UROC1: variants seen among roughly 807,000 people sequenced by gnomAD.
UROC1 encodes urocanate hydratase.
Under a neutral mutation model 89.5 loss-of-function variants are expected in UROC1, and 79 were observed. The ratio of observed to expected loss-of-function variants is 0.88; its 90% CI spans 0.74 to 1.06. The LOEUF (loss-of-function observed/expected upper bound fraction) is 1.06. Ranked by LOEUF, UROC1 falls within the 50% of genes least tolerant of loss-of-function variation. UROC1 has a pLI of 0.00. For missense variants in UROC1, 885 were observed against 907.8 expected, an observed-to-expected ratio of 0.97 and a Z score of 0.32; for synonymous variants, 361 against 354.8, an observed-to-expected ratio of 1.02 and a Z score of -0.20.
rs562711549 is a variant in UROC1, at chr3:126,500,992, C to G, written c.966-118G>C. ...ACCCACAAATCCAGCAGGCACAGCC[C>G]GAGCCAGACCCTGCTTTCCCCCTGG... On this transcript the variant is annotated intron_variant, in intron 10 of 19. Coordinates refer to ENST00000290868, the MANE Select transcript of UROC1 (RefSeq NM_144639.3). 1.1e-4 allele frequency: 155 copies of G among 1,426,352 alleles called. 4 individuals are homozygous for G. In the South Asian group the frequency reaches 1.5e-3, roughly 14 times the overall value. The allele number at this position is 1,426,352 out of a possible 1,614,324, so 88.4% of individuals were successfully genotyped here.
At chr3:126,504,735 C>A (rs1313214787) in intron 8 of UROC1, among the ~76,000 whole-genome samples, 1 of 152,222 alleles carries the variant, frequency 6.6e-6, no homozygotes, top group African/African-American at 2.4e-5. Context: ...CAACTGAGTG[C>A]AAATCCCACT....
intron 3 of UROC1, 148 bp downstream of exon 3, chr3:126,509,437 G>C: frequency 2.6e-6 from 2 of 765,096 alleles, no homozygotes; most frequent in Admixed American, 4.2e-5. Flanking sequence ...GGGAAGCCGA[G>C]GGAAGGGCCA....
chr3:126,503,959 G>A, intron 9 of UROC1, 36 bp downstream of exon 9: 5 of 1,610,506 alleles, frequency 3.1e-6, no homozygotes, highest in Non-Finnish European at 4.2e-6. Flanking sequence ...CCACGTGTCA[G>A]GTGTCAGGTG....
intron 9 of UROC1, among the ~76,000 whole-genome samples, chr3:126,502,214 CTG>C (rs1223431872): frequency 2.1e-5 from 3 of 143,922 alleles, no homozygotes; most frequent in Non-Finnish European, 3.1e-5. Context: ...GTGTGTGTGT[CTG>C]TGTGTGTTTA....
intron 14 of UROC1, among the ~76,000 whole-genome samples, chr3:126,497,016 C>T (rs1406084964): frequency 6.6e-6 from 1 of 152,176 alleles, no homozygotes; most frequent in African/African-American, 2.4e-5. Flanking sequence ...TGTTCTCACA[C>T]CAGGGAAGCC....
At chr3:126,507,851 CGAGCACA>C in intron 5 of UROC1, 48 bp from the exon 6 acceptor site, 1 of 1,613,248 alleles carries the variant, frequency 6.2e-7, no homozygotes, top group Admixed American at 1.7e-5. Context: ...GCTTGGAGGG[CGAGCACA>C]GAGCCCTGGG....
At chr3:126,502,340 C>A (rs117396235) in intron 9 of UROC1, among the ~76,000 whole-genome samples, 1 of 143,948 alleles carries the variant, frequency 6.9e-6, no homozygotes, top group African/African-American at 2.6e-5. Context: ...GTGTTGTGTG[C>A]GTTTGTGTGT....
intron 4 of UROC1, 151 bp downstream of exon 4, chr3:126,508,265 A>G (rs1161122327): frequency 7.2e-7 from 1 of 1,392,586 alleles, no homozygotes; most frequent in African/African-American, 1.4e-5. Context: ...TATAACCTGA[A>G]ATTTCCCCAC....
intron 18 of UROC1, among the ~76,000 whole-genome samples, chr3:126,486,805 C>G (rs534802820): frequency 3.9e-5 from 6 of 152,256 alleles, no homozygotes; most frequent in South Asian, 4.1e-4. Flanking sequence ...TTTCGAGTAG[C>G]CACGGTGGAG....
At chr3:126,501,867 A>G (rs775171513) in intron 9 of UROC1, 3 of 1,599,374 alleles carry the variant, frequency 1.9e-6, no homozygotes, top group Non-Finnish European at 2.5e-6. Context: ...CAAGGTTGAC[A>G]AAGCAGGAAA....
rs922745024 is a variant in UROC1, at chr3:126,495,544, C to T, written c.1509+494G>A. On this transcript the variant is annotated intron_variant, in intron 15 of 19. Transcript: ENST00000290868. ...TTAACCCACACTTTGTTTATCCATT[C>T]GTCCATCAGGGAACACCTGGGTGGC... Among the ~76,000 whole-genome samples the T allele has an allele frequency of 5.3e-5, 8 of 152,226 alleles. No homozygotes were observed. In the South Asian group the frequency reaches 6.2e-4, roughly 12 times the overall value.
chr3:126,509,675 G>T lies in UROC1; in HGVS notation c.261C>A (p.Ala87=). ...YRFCPDIEMR[A]YPIEQYPCQT... The stretch of plus-strand genomic sequence containing the variant: ...GGCAGGGGTACTGCTCAATCGGGTA[G>T]GCCCTGCAAGGGAAAGCCCAACCAC... Residue 87 remains alanine (A), a synonymous_variant, in exon 3 of 20, where the codon GCC becomes GCA. Coordinates refer to ENST00000290868, the MANE Select transcript of UROC1 (RefSeq NM_144639.3). 7.7e-6 allele frequency: 12 copies of T among 1,551,694 alleles called. No individual in the cohort carries two copies. Among genetic ancestry groups the T allele is most frequent in the Non-Finnish European group, 9.6e-6 (11 of 1,147,036 alleles).
At chr3:126,493,844 G>T (rs1206486306) in intron 15 of UROC1, among the ~76,000 whole-genome samples, 1 of 152,210 alleles carries the variant, frequency 6.6e-6, no homozygotes, top group Non-Finnish European at 1.5e-5. Flanking sequence ...GAAGATGCAG[G>T]TGTCTGCCCC....
chr3:126,498,465 C>T (rs55692624), intron 13 of UROC1, among the ~76,000 whole-genome samples: 38,675 of 152,108 alleles, frequency 0.25, 5,363 homozygotes, highest in Non-Finnish European at 0.31. Context: ...CAAGAAAATC[C>T]ATCACCTAAA....
In UROC1 at chr3:126,505,959, C is replaced by A; in HGVS notation, c.655G>T (p.Val219Phe). Reference protein sequence around the residue: ...SYCYIGPQGIVHGTVLTVLNA... With the variant: ...SYCYIGPQGIFHGTVLTVLNA... Reference sequence around the variant, plus strand: ...CCATCTCTCACCACAGTGCCATGAACGATTCCCTGGGGACCGATGTAGCAG... The same window carrying A: ...CCATCTCTCACCACAGTGCCATGAAAGATTCCCTGGGGACCGATGTAGCAG... Residue 219 changes from valine to phenylalanine, a missense_variant, in exon 7 of 20, where the codon GTT (valine) becomes TTT (phenylalanine). By Grantham distance (50) the Val-to-Phe change is conservative. Coordinates refer to ENST00000290868, the MANE Select transcript of UROC1 (RefSeq NM_144639.3). 1 of 1,600,106 alleles carries A rather than the reference C, an allele frequency of 6.2e-7. No individual in the cohort carries two copies. The highest frequency in any genetic ancestry group is 1.1e-5 in the South Asian group (1 of 90,756).
intron 18 of UROC1, 36 bp downstream of exon 18, chr3:126,488,162 C>T (rs770405866): frequency 4.3e-6 from 7 of 1,612,950 alleles, no homozygotes; most frequent in South Asian, 1.1e-5. Flanking sequence ...AAAACTTCCA[C>T]ATCAGCCCAC....
rs812369 is a variant in UROC1 at position 126,481,461 on chromosome 3, C to A, written c.*884G>T. 140,125 of 152,250 alleles carry A rather than the reference C, an allele frequency of 0.92. 64,713 individuals are homozygous for A. The highest frequency in any genetic ancestry group is 0.99 in the East Asian group (5,075 of 5,146). 9.4% of individuals were successfully genotyped at this position (152,250 alleles called of 1,614,324 possible). On this transcript the variant is annotated 3_prime_UTR_variant, in exon 20 of 20. Transcript: ENST00000290868. Reference sequence around the variant, plus strand: ...AGTGGCCTGCCCCTCTCCAATCCACCGACATGTGGGGTGTCTGGTTTTCTG... The same window carrying A: ...AGTGGCCTGCCCCTCTCCAATCCACAGACATGTGGGGTGTCTGGTTTTCTG...
chr3:126,498,590 A>C (rs972587134), intron 13 of UROC1, among the ~76,000 whole-genome samples: 1 of 151,796 alleles, frequency 6.6e-6, no homozygotes, highest in African/African-American at 2.4e-5. Flanking sequence ...TCCTGGGGGG[A>C]GGATGCCGTG....
intron 1 of UROC1, among the ~76,000 whole-genome samples, chr3:126,512,439 A>G (rs996607044): frequency 2.6e-5 from 4 of 152,254 alleles, no homozygotes; most frequent in African/African-American, 9.6e-5. Context: ...TACGAAAAAT[A>G]TAAGGCTAGG....
Sources: gnomAD v4.1 joint callset for allele counts (sites outside exome capture counted in the v4.1 genomes callset) on GRCh38, gnomAD v4.1.1 for gene constraint, MANE v1.5 for transcripts, NCBI Gene and HGNC (gene_info 2026-07-23, HGNC 2026-07-21) for gene names.